The following SAMD5 variants were observed in gnomAD, a reference collection of about 807,000 sequenced individuals.
The protein encoded by SAMD5 is sterile alpha motif domain-containing protein 5.
In SAMD5, 13 loss-of-function variants were observed where a neutral mutation model predicts 11.3. The observed-to-expected ratio is 1.15, with a 90% CI of 0.75 to 1.83. The LOEUF is 1.83. Ranked by LOEUF, SAMD5 falls within the 40% of genes most tolerant of loss-of-function variation. The pLI is 0.00. For missense variants in SAMD5, 255 were observed against 239.1 expected, an observed-to-expected ratio of 1.07 and a Z score of -0.44; for synonymous variants, 129 against 111.3, an observed-to-expected ratio of 1.16 and a Z score of -1.00.
At chr6:147,675,821 C>T (rs1790855082) in intron 1 of SAMD5, among the ~76,000 whole-genome samples, 1 of 152,142 alleles carries the variant, frequency 6.6e-6, no homozygotes, top group Admixed American at 6.5e-5. Flanking sequence ...TAATGCAGAG[C>T]TGCAGCAAAT....
At chr6:147,598,064 C>T (rs1195549720) in intron 1 of SAMD5, among the ~76,000 whole-genome samples, 1 of 152,136 alleles carries the variant, frequency 6.6e-6, no homozygotes, top group Non-Finnish European at 1.5e-5. Context: ...AGTCCTGGAG[C>T]TGACAAAGTT....
At chr6:147,620,991 C>T (rs9403869) in intron 1 of SAMD5, among the ~76,000 whole-genome samples, 23,441 of 64,686 alleles carry the variant, frequency 0.36, 3,862 homozygotes, top group African/African-American at 0.57. Context: ...TGTGTGTGTG[C>T]GCGCGCGCAC....
In SAMD5 at chr6:147,693,726, G is replaced by C. The variant is rs139909867; in HGVS notation, c.163-43591G>C. Among the ~76,000 whole-genome samples, 1,055 of 152,290 alleles carry C rather than the reference G, an allele frequency of 6.9e-3. 20 individuals carry two copies. Among genetic ancestry groups the C allele is most frequent in the African/African-American group, 0.024 (1,007 of 41,572 alleles). ...CATGCCTGTAATCCTAGCACTTTGG[G>C]AGGCCAAGGTAGGCGGGGGATCACC... On this transcript the variant is annotated intron_variant, in intron 1 of 1. Transcript: ENST00000566741.
chr6:147,628,119 G>C (rs916978480), intron 1 of SAMD5, among the ~76,000 whole-genome samples: 2 of 152,164 alleles, frequency 1.3e-5, no homozygotes, highest in African/African-American at 4.8e-5. Flanking sequence ...TTGCTTGTTT[G>C]TTTTCCCTAA....
intron 1 of SAMD5, chr6:147,730,074 C>CAAAAAAAAAAAAA (rs34624038): frequency 5.9e-4 from 183 of 308,078 alleles, no homozygotes; most frequent in Middle Eastern, 2.8e-3. Context: ...GACTCTGTCT[C>CAAAAAAAAAAAAA]AAAAAAAAAA....
chr6:147,807,563 A>T, the SAMD5 span, among the ~76,000 whole-genome samples: 1 of 152,196 alleles, frequency 6.6e-6, no homozygotes, highest in Non-Finnish European at 1.5e-5. Flanking sequence ...TTTACTAAAA[A>T]AAAATCTTTG....
At chr6:147,581,536 C>A (rs1209721722) in intron 1 of SAMD5, among the ~76,000 whole-genome samples, 2 of 152,004 alleles carry the variant, frequency 1.3e-5, no homozygotes, top group Non-Finnish European at 1.5e-5. Flanking sequence ...GAGCTTTGAA[C>A]CAAGTAGGAG....
At chr6:147,587,486 C>T (rs1789390994) in intron 1 of SAMD5, among the ~76,000 whole-genome samples, 1 of 152,182 alleles carries the variant, frequency 6.6e-6, no homozygotes, top group Non-Finnish European at 1.5e-5. Context: ...ATCCGCCTGC[C>T]TTGATCTCCC....
the SAMD5 span, among the ~76,000 whole-genome samples, chr6:147,770,474 C>G: frequency 6.6e-6 from 1 of 152,180 alleles, no homozygotes; most frequent in Non-Finnish European, 1.5e-5. Flanking sequence ...CATTCATTGA[C>G]TGACTGAGTT....
chr6:147,556,737 A>G (rs939452708), intron 1 of SAMD5, among the ~76,000 whole-genome samples: 4 of 152,226 alleles, frequency 2.6e-5, no homozygotes, highest in Admixed American at 1.3e-4. Context: ...ATATGCTTAC[A>G]TCACATATTA....
intron 1 of SAMD5, among the ~76,000 whole-genome samples, chr6:147,657,442 A>G (rs1284019764): frequency 6.6e-6 from 1 of 152,216 alleles, no homozygotes; most frequent in Non-Finnish European, 1.5e-5. Flanking sequence ...CTAATACTCC[A>G]GGACAAACAT....
At chr6:147,700,305 T>C (rs1719317595) in intron 1 of SAMD5, among the ~76,000 whole-genome samples, 1 of 152,196 alleles carries the variant, frequency 6.6e-6, no homozygotes, top group African/African-American at 2.4e-5. Context: ...TCTGCCTCTT[T>C]AGAGATCAGA....
chr6:147,896,431 G>A, the SAMD5 span, among the ~76,000 whole-genome samples: 89 of 152,172 alleles, frequency 5.8e-4, no homozygotes, highest in African/African-American at 2.0e-3. Flanking sequence ...CTTGAAGGAA[G>A]CTTCCTTGGT....
At chr6:147,942,946 T>C in the SAMD5 span, among the ~76,000 whole-genome samples, 1 of 151,806 alleles carries the variant, frequency 6.6e-6, no homozygotes, top group African/African-American at 2.4e-5. Context: ...CCCAAGTAGC[T>C]GGGATTACAG....
the SAMD5 span, among the ~76,000 whole-genome samples, chr6:147,816,304 ATAT>A: frequency 1.1e-3 from 38 of 33,402 alleles, 1 homozygote; most frequent in East Asian, 0.021. Flanking sequence ...AAAAAAAAAT[ATAT>A]ATATATATAT....
downstream of SAMD5, among the ~76,000 whole-genome samples, chr6:147,572,419 T>G (rs1228610737): frequency 2.0e-5 from 3 of 152,192 alleles, no homozygotes; most frequent in Non-Finnish European, 4.4e-5. Context: ...TAAACTCAAT[T>G]AGGTTTTCTG....
chr6:147,795,990 C>A, the SAMD5 span, among the ~76,000 whole-genome samples: 1 of 147,412 alleles, frequency 6.8e-6, no homozygotes, highest in Admixed American at 6.7e-5. Flanking sequence ...GAGTAGGTTG[C>A]GAAAATTTTC....
chr6:147,586,767 G>A (rs1211207233), intron 1 of SAMD5, among the ~76,000 whole-genome samples: 1 of 151,876 alleles, frequency 6.6e-6, no homozygotes, highest in Non-Finnish European at 1.5e-5. Context: ...ATAAAATAAA[G>A]TAAAAGACAA....
At chr6:147,920,602 T>C in the SAMD5 span, among the ~76,000 whole-genome samples, 1 of 152,196 alleles carries the variant, frequency 6.6e-6, no homozygotes, top group Non-Finnish European at 1.5e-5. Flanking sequence ...ATACACTATT[T>C]AACACCAAAT....
Sources: allele counts gnomAD v4.1 joint callset (sites outside exome capture counted in the v4.1 genomes callset), GRCh38; gene constraint gnomAD v4.1.1; transcripts MANE v1.5; gene names NCBI Gene and HGNC (gene_info 2026-07-23, HGNC 2026-07-21).